The following CFAP410 variants were observed in gnomAD, a reference collection of about 807,000 sequenced individuals.
CFAP410 encodes the protein cilia and flagella associated protein 410, also known as cilia- and flagella-associated protein 410.
Under a neutral mutation model 25.7 loss-of-function variants are expected in CFAP410, and 27 were observed. The observed-to-expected ratio is 1.05, with a 90% confidence interval of 0.77 to 1.45. The LOEUF (loss-of-function observed/expected upper bound fraction) is 1.45. Ranked by LOEUF, CFAP410 falls within the 40% of genes most tolerant of loss-of-function variation. CFAP410 has a pLI of 0.00. For synonymous variants in CFAP410, 178 were observed against 158.4 expected (o/e 1.12, Z -0.93); for missense variants, 428 against 354.1 (o/e 1.21, Z -1.67).
In CFAP410 at chr21:44,329,360, TC is replaced by T. The variant is rs2146049626; in HGVS notation, c.*837del. ...CCTACACACCAGCTGGAAGGCTGAC[TC>T]CCCATCTCACGTGAATGCTTCCTTG... On this transcript the variant is annotated 3_prime_UTR_variant, in exon 7 of 7. Coordinates refer to ENST00000339818, the MANE Select transcript of CFAP410 (RefSeq NM_004928.3). 6.6e-6 allele frequency: 1 copy of T among 152,352 alleles called. No individual in the cohort carries two copies. The highest frequency in any genetic ancestry group is 2.4e-5 in the African/African-American group (1 of 41,554). The allele number at this position is 152,352 out of a possible 1,614,324, so 9.4% of individuals were successfully genotyped here. A position where few individuals can be genotyped will look rare whatever the true frequency, so the allele number is the denominator to read the frequency against.
intron 1 of CFAP410, chr21:44,338,895 C>T: frequency 9.7e-6 from 1 of 103,210 alleles, no homozygotes; most frequent in East Asian, 2.2e-4. Context: ...CCGGCTCCTC[C>T]CTCCGGCTCC....
At position 44,339,149 on chromosome 21, in the gene CFAP410, C is replaced by T. The variant is rs762237699; in HGVS notation, c.46G>A (p.Glu16Lys). 3.4e-6 allele frequency: 5 copies of T among 1,474,176 alleles called. No individual in the cohort carries two copies. The highest frequency in any genetic ancestry group is 2.5e-5 in the Admixed American group (1 of 40,498). The allele number at this position is 1,474,176 out of a possible 1,614,324, so 91.3% of individuals were successfully genotyped here. ...KMVLTRAKAS[E>K]LHSVRKLNCW... Reference sequence around the variant, plus strand: ...TTGAGCTTGCGCACGCTGTGCAGCTCCGAGGCCTTGGCCCGGGTCAGAACC... The same window carrying T: ...TTGAGCTTGCGCACGCTGTGCAGCTTCGAGGCCTTGGCCCGGGTCAGAACC... Residue 16 changes from glutamate to lysine, a missense_variant, in exon 1 of 7, where the codon GAG becomes AAG. Physicochemically the swap from Glu to Lys is moderately conservative, Grantham distance 56. Coordinates refer to ENST00000339818, the MANE Select transcript of CFAP410 (RefSeq NM_004928.3).
chr21:44,332,999 T>C, intron 4 of CFAP410, 34 bp downstream of exon 4: 2 of 1,423,008 alleles, frequency 1.4e-6, no homozygotes, highest in Non-Finnish European at 1.9e-6. Context: ...GGGATTGTTT[T>C]GGGAGGGCCG....
At chr21:44,334,356 A>G in intron 3 of CFAP410, 1 of 435,582 alleles carries the variant, frequency 2.3e-6, no homozygotes, top group South Asian at 1.6e-5. Context: ...CCCCGCCCCA[A>G]GCTTCCTGCC....
Position 44,339,243 on chromosome 21 carries a change from G to A in CFAP410, c.-49C>T, listed in dbSNP as rs894228847. The A allele has an allele frequency of 1.8e-5, 23 of 1,267,122 alleles. No homozygotes were observed. In the African/African-American group the frequency reaches 3.5e-4, roughly 19 times the overall value. The allele number at this position is 1,267,122 out of a possible 1,614,324, so 78.5% of individuals were successfully genotyped here. On this transcript the variant is annotated 5_prime_UTR_variant, in exon 1 of 7. Coordinates refer to ENST00000339818, the MANE Select transcript of CFAP410 (RefSeq NM_004928.3). ...CGGGCGCCCCCGGCCTCCTGATCCC[G>A]GGCGGGTGACGACTGCGCGGCGCGT...
At chr21:44,336,812 G>C (rs2047764920) in intron 2 of CFAP410, 2 of 152,104 alleles carry the variant, frequency 1.3e-5, no homozygotes, top group Non-Finnish European at 2.9e-5. Flanking sequence ...CGCTGGACAT[G>C]GTGGCTCATA....
chr21:44,334,517 A>ACCCCCCCTCAACCTCTGGGCGGGCACGC, intron 3 of CFAP410: 1 of 72,240 alleles, frequency 1.4e-5, no homozygotes, highest in South Asian at 8.3e-5. Flanking sequence ...GGGCACGCGC[A>ACCCCCCCTCAACCTCTGGGCGGGCACGC]CCCCCCCCCC....
intron 2 of CFAP410, among the ~76,000 whole-genome samples, chr21:44,336,500 G>T (rs2047758759): frequency 6.6e-6 from 1 of 152,172 alleles, no homozygotes; most frequent in South Asian, 2.1e-4. Flanking sequence ...CAATTCAGGG[G>T]TGAGGTGCCC....
intron 3 of CFAP410, chr21:44,333,944 G>A (rs1022654948): frequency 1.1e-5 from 4 of 367,050 alleles, no homozygotes; most frequent in South Asian, 2.0e-5. Flanking sequence ...TCAGAAGGGC[G>A]GTCACCAGGC....
At chr21:44,334,056 T>A in intron 3 of CFAP410, 1 of 454,236 alleles carries the variant, frequency 2.2e-6, no homozygotes, top group Non-Finnish European at 4.4e-6. Context: ...GCCGCCCCAT[T>A]TTACCAAGAG....
intron 1 of CFAP410, 85 bp downstream of exon 1, chr21:44,339,033 C>T (rs1179141199): frequency 1.2e-4 from 76 of 645,094 alleles, no homozygotes; most frequent in Non-Finnish European, 1.7e-4. Flanking sequence ...CTCTCCCCGC[C>T]CCGGCTCCTC....
At chr21:44,332,517 AGAG>A (rs1168501678) in intron 4 of CFAP410, 2 of 164,486 alleles carry the variant, frequency 1.2e-5, no homozygotes, top group Admixed American at 1.2e-4. Flanking sequence ...GGCGCTGGCT[AGAG>A]GAGGCACGAG....
chr21:44,339,212 G>T lies in CFAP410; in HGVS notation c.-18C>A, dbSNP rs1304770311. ...AGCTTCATGGCGGCCGCCCAGGCCC[G>T]ACCGGCGGGCGCCCCCGGCCTCCTG... On this transcript the variant is annotated 5_prime_UTR_variant, in exon 1 of 7. Transcript: ENST00000339818. 2.0e-5 allele frequency: 28 copies of T among 1,425,812 alleles called. No individual in the cohort carries two copies. Among genetic ancestry groups the T allele is most frequent in the Non-Finnish European group, 2.5e-5 (27 of 1,084,478 alleles). 88.3% of individuals were successfully genotyped at this position (1,425,812 alleles called of 1,614,324 possible). A position where few individuals can be genotyped will look rare whatever the true frequency, so the allele number is the denominator to read the frequency against.
intron 4 of CFAP410, chr21:44,332,303 G>C: frequency 2.6e-6 from 1 of 378,456 alleles, no homozygotes; most frequent in Non-Finnish European, 4.7e-6. Flanking sequence ...AGACACAATA[G>C]AAAAAGGAAC....
At chr21:44,330,966 C>G (rs769438719) in intron 5 of CFAP410, 47 bp from the exon 6 acceptor site, 1 of 1,474,962 alleles carries the variant, frequency 6.8e-7, no homozygotes, top group South Asian at 1.3e-5. Context: ...CTCGTGGCAC[C>G]GGGGGGGCCT....
intron 2 of CFAP410, 23 bp downstream of exon 2, chr21:44,337,626 T>A: frequency 1.9e-6 from 3 of 1,609,014 alleles, no homozygotes; most frequent in Non-Finnish European, 2.6e-6. Context: ...GTGCAATACT[T>A]ACATCTGTGA....
At chr21:44,338,801 G>C (rs1445502844) in intron 1 of CFAP410, 3 of 100,548 alleles carry the variant, frequency 3.0e-5, no homozygotes, top group African/African-American at 1.3e-4. Flanking sequence ...CTCCGGCTCC[G>C]CCCTCGTCCC....
In CFAP410 at chr21:44,330,268, G is replaced by A. The variant is rs759300468; in HGVS notation, c.701C>T (p.Ala234Val). The A allele has an allele frequency of 3.1e-6, 5 of 1,605,198 alleles. No homozygotes were observed. In the South Asian group the frequency reaches 5.6e-5, roughly 18 times the overall value. The change falls in exon 7 of 7, where the codon GCC becomes GTC. Residue 234 changes from alanine (A) to valine (V), a missense_variant. Transcript: ENST00000339818. ...CCGGCTGCCCACAGTCTGCTGCACGGCCTCCAGCCCCTCTGCATCCAGCTC... is the reference window on the plus strand; with the variant it reads ...CCGGCTGCCCACAGTCTGCTGCACGACCTCCAGCCCCTCTGCATCCAGCTC... Reference protein sequence around the residue: ...LRELDAEGLEAVQQTVGSRLQ... With the variant: ...LRELDAEGLEVVQQTVGSRLQ...
Position 44,330,859 on chromosome 21 carries a change from G to C in CFAP410, c.606C>G (p.Leu202=), listed in dbSNP as rs1398539115. 1 of 1,606,874 alleles carries C rather than the reference G, an allele frequency of 6.2e-7. No homozygotes were observed. Among genetic ancestry groups the C allele is most frequent in the African/African-American group, 1.3e-5 (1 of 74,778 alleles). Residue 202 remains leucine, a synonymous_variant, in exon 6 of 7, where the codon CTC becomes CTG. Transcript: ENST00000339818. ...GGCTGCTCGAGGCATCCCTGGCTGAGAGGGAAGGAAACTGGCCCCGGGAAG... is the reference window on the plus strand; with the variant it reads ...GGCTGCTCGAGGCATCCCTGGCTGACAGGGAAGGAAACTGGCCCCGGGAAG... ...KPPSRGQFPS[L]SARDASSSHR... is the part of the protein sequence containing the mutation.
Sources: gnomAD v4.1 joint callset for allele counts (sites outside exome capture counted in the v4.1 genomes callset) on GRCh38, gnomAD v4.1.1 for gene constraint, MANE v1.5 for transcripts, NCBI Gene and HGNC (gene_info 2026-07-23, HGNC 2026-07-21) for gene names.